Variants in NRXN1 observed in about 807,000 individuals in gnomAD.
The protein encoded by NRXN1 is neurexin 1.
In NRXN1, 39 loss-of-function variants were observed where a neutral mutation model predicts 150.9. The ratio of observed to expected loss-of-function variants is 0.26; its 90% confidence interval spans 0.20 to 0.34. NRXN1 has a LOEUF of 0.34. Among genes scored for constraint, NRXN1 ranks in the 10% least tolerant of loss-of-function variants. The probability of loss-of-function intolerance (pLI) is 1.00; values close to 1 mark genes in which losing one functional copy is unlikely to be tolerated. For synonymous variants in NRXN1, 924 were observed against 757.0 expected (o/e 1.22, Z -3.62); for missense variants, 1,815 against 1,949.9 (o/e 0.93, Z 1.30).
rs1706988802 is a variant in NRXN1, at chr2:50,139,741, C to G, written c.3547-48247G>C. Among the ~76,000 whole-genome samples the G allele has an allele frequency of 4.6e-5, 7 of 152,090 alleles. No individual in the cohort carries two copies. In the South Asian group the frequency reaches 1.4e-3, roughly 31 times the overall value. On this transcript the variant is annotated intron_variant, in intron 18 of 22. Transcript: ENST00000401669. ...TTGGAAATGTTAAATTTTCTTCTTA[C>G]TCGACTAGTCACATAGACTATTCTA...
At chr2:50,405,294 G>A (rs973245304) in intron 17 of NRXN1, among the ~76,000 whole-genome samples, 18 of 151,878 alleles carry the variant, frequency 1.2e-4, no homozygotes, top group African/African-American at 4.1e-4. Context: ...TACCAAACAC[G>A]GCAAATAAAA....
chr2:49,997,693 A>C (rs1347055676), intron 21 of NRXN1, among the ~76,000 whole-genome samples: 1 of 152,104 alleles, frequency 6.6e-6, no homozygotes, highest in South Asian at 2.1e-4. Context: ...AATACTAGAA[A>C]TTTAGAATTT....
chr2:50,560,369 A>G (rs979268815), intron 8 of NRXN1, among the ~76,000 whole-genome samples: 1 of 152,296 alleles, frequency 6.6e-6, no homozygotes, highest in Non-Finnish European at 1.5e-5. Context: ...GGGCTAGTGG[A>G]TAGGGAAGAC....
At chr2:50,665,184 T>A (rs1454750550) in intron 5 of NRXN1, among the ~76,000 whole-genome samples, 1 of 151,932 alleles carries the variant, frequency 6.6e-6, no homozygotes. Flanking sequence ...TTATGCTAAT[T>A]CCATGTACTA....
At chr2:50,318,793 A>G (rs2075807679) in intron 17 of NRXN1, among the ~76,000 whole-genome samples, 1 of 152,128 alleles carries the variant, frequency 6.6e-6, no homozygotes, top group Non-Finnish European at 1.5e-5. Context: ...TAAACACAAA[A>G]TTCAGAAGGT....
chr2:50,250,793 C>A (rs2066964939), intron 17 of NRXN1, among the ~76,000 whole-genome samples: 1 of 150,064 alleles, frequency 6.7e-6, no homozygotes, highest in Non-Finnish European at 1.5e-5. Context: ...CTCATTTTTT[C>A]AAAATTTAAA....
intron 10 of NRXN1, among the ~76,000 whole-genome samples, chr2:50,532,426 G>GA (rs1201434438): frequency 5.9e-5 from 9 of 151,520 alleles, no homozygotes; most frequent in African/African-American, 2.2e-4. Flanking sequence ...TGTTCAAAAA[G>GA]AAAAAAGAAA....
chr2:50,170,335 G>A (rs182603265), intron 18 of NRXN1, among the ~76,000 whole-genome samples: 36 of 152,006 alleles, frequency 2.4e-4, no homozygotes, highest in Admixed American at 1.9e-3. Context: ...TCACTCTATT[G>A]CCCAGTCTGG....
intron 5 of NRXN1, among the ~76,000 whole-genome samples, chr2:50,903,545 G>T (rs1202968043): frequency 6.6e-6 from 1 of 152,058 alleles, no homozygotes; most frequent in Non-Finnish European, 1.5e-5. Flanking sequence ...TGCTCTCAGT[G>T]TACCACAATA....
chr2:50,243,258 T>C (rs2066191043), intron 17 of NRXN1, among the ~76,000 whole-genome samples: 1 of 151,860 alleles, frequency 6.6e-6, no homozygotes, highest in Non-Finnish European at 1.5e-5. Context: ...CATATATATG[T>C]ATTAAAACAT....
chr2:50,689,155 G>C (rs939782690), intron 5 of NRXN1, among the ~76,000 whole-genome samples: 2 of 151,952 alleles, frequency 1.3e-5, no homozygotes, highest in Admixed American at 6.6e-5. Flanking sequence ...ATATATGTAA[G>C]TTTGTTATAT....
intron 2 of NRXN1, among the ~76,000 whole-genome samples, chr2:50,934,270 TAATA>T (rs1041666059): frequency 2.6e-5 from 4 of 152,150 alleles, no homozygotes; most frequent in African/African-American, 9.6e-5. Flanking sequence ...AAAACATTTA[TAATA>T]AATAATTTGA....
intron 19 of NRXN1, among the ~76,000 whole-genome samples, chr2:50,079,202 G>T (rs1697551059): frequency 6.6e-6 from 1 of 151,786 alleles, no homozygotes; most frequent in African/African-American, 2.4e-5. Flanking sequence ...TGCTCAATTT[G>T]ATCTAGTTCT....
At chr2:50,910,891 G>A (rs903194840) in intron 5 of NRXN1, among the ~76,000 whole-genome samples, 2 of 151,708 alleles carry the variant, frequency 1.3e-5, no homozygotes, top group Admixed American at 6.6e-5. Context: ...ATGTGCTAAG[G>A]GCTTCCAACT....
intron 18 of NRXN1, among the ~76,000 whole-genome samples, chr2:50,233,842 G>T (rs1275331889): frequency 6.6e-6 from 1 of 151,866 alleles, no homozygotes; most frequent in African/African-American, 2.4e-5. Flanking sequence ...GAAAGAAGTA[G>T]AACAATTTAT....
chr2:50,777,350 A>C (rs1208582045), intron 5 of NRXN1, among the ~76,000 whole-genome samples: 1 of 152,176 alleles, frequency 6.6e-6, no homozygotes, highest in Admixed American at 6.5e-5. Context: ...CATATGCCTA[A>C]AAGCAAACAT....
chr2:50,839,953 G>T (rs1012023635), intron 5 of NRXN1, among the ~76,000 whole-genome samples: 8 of 152,108 alleles, frequency 5.3e-5, no homozygotes, highest in South Asian at 2.1e-4. Flanking sequence ...AAATATTAAA[G>T]AATGTTTCAG....
At chr2:50,474,876 T>A (rs912475386) in intron 15 of NRXN1, among the ~76,000 whole-genome samples, 23 of 120,998 alleles carry the variant, frequency 1.9e-4, no homozygotes, top group African/African-American at 6.8e-4. Flanking sequence ...ACTCACCCCA[T>A]TGAGTTATTT....
At chr2:50,573,742 A>AAT (rs1670998964) in intron 8 of NRXN1, among the ~76,000 whole-genome samples, 1 of 148,148 alleles carries the variant, frequency 6.8e-6, no homozygotes, top group Non-Finnish European at 1.5e-5. Context: ...AGATATTTGA[A>AAT]AATAATAATA....
Sources: allele counts gnomAD v4.1 joint callset (sites outside exome capture counted in the v4.1 genomes callset), GRCh38; gene constraint gnomAD v4.1.1; transcripts MANE v1.5; gene names NCBI Gene and HGNC (gene_info 2026-07-23, HGNC 2026-07-21).